Variants in TSHR observed in about 807,000 individuals in gnomAD.
TSHR encodes the protein thyrotropin receptor.
TSHR carries 51 observed loss-of-function variants against 64.1 expected under a neutral mutation model. The observed-to-expected ratio is 0.80, with a 90% CI of 0.64 to 1.01. The LOEUF (loss-of-function observed/expected upper bound fraction) is 1.01, where lower values mean the gene tolerates loss of function less well. Among genes scored for constraint, TSHR ranks in the 50% least tolerant of loss-of-function variants. The pLI is 0.00. For synonymous variants in TSHR, 361 were observed against 361.9 expected (o/e 1.00, Z 0.03); for missense variants, 877 against 942.8 (o/e 0.93, Z 0.91).
Position 81,008,633 on chromosome 14 carries a change from A to C in TSHR, c.170+52783A>C, listed in dbSNP as rs554697174. ...TAAGGCAAAATAAATGAATTTCAAA[A>C]GGAAATTAAGGTCTTTAAGCTTTAT... is the stretch of plus-strand genomic sequence containing the variant. On this transcript the variant is annotated intron_variant, in intron 1 of 9. Coordinates refer to ENST00000298171, the MANE Select transcript of TSHR (RefSeq NM_000369.5). Among the ~76,000 whole-genome samples, 3 of 152,354 alleles carry C rather than the reference A, an allele frequency of 2.0e-5. No homozygotes were observed. The East Asian group carries it at 5.8e-4, about 29-fold the overall frequency.
At chr14:81,097,599 G>T (rs908166066) in intron 7 of TSHR, among the ~76,000 whole-genome samples, 4 of 152,162 alleles carry the variant, frequency 2.6e-5, no homozygotes, top group African/African-American at 7.2e-5. Context: ...CAAGGGTGAG[G>T]TCAATAAGCT....
chr14:81,144,361 C>T lies in TSHR; in HGVS notation c.*8C>T. On this transcript the variant is annotated 3_prime_UTR_variant, in exon 10 of 10. Transcript: ENST00000298171. The stretch of plus-strand genomic sequence containing the variant: ...ATGCAAACGGTTTTGTAAGTTAACA[C>T]TACACTACTCACAATGGTAGGGGAA... The T allele has an allele frequency of 6.2e-7, 1 of 1,613,402 alleles. No homozygotes were observed. The highest frequency in any genetic ancestry group is 1.1e-5 in the South Asian group (1 of 91,076).
intron 1 of TSHR, among the ~76,000 whole-genome samples, chr14:80,986,401 T>C (rs1888448657): frequency 6.6e-6 from 1 of 152,208 alleles, no homozygotes. Flanking sequence ...TTTCTCTAAC[T>C]TTTCTCAAAT....
At chr14:81,074,195 A>G (rs932365865) in intron 3 of TSHR, among the ~76,000 whole-genome samples, 5 of 152,178 alleles carry the variant, frequency 3.3e-5, no homozygotes, top group Non-Finnish European at 5.9e-5. Context: ...TAATTTGCTT[A>G]TATACTTGAG....
At position 81,101,352 on chromosome 14, in the gene TSHR, A is replaced by C. The variant is rs77010758; in HGVS notation, c.614+4645A>C. Among the ~76,000 whole-genome samples, 25 of 152,318 alleles carry C rather than the reference A, an allele frequency of 1.6e-4. 1 individual carries two copies. The East Asian group carries it at 4.8e-3, about 29-fold the overall frequency. On this transcript the variant is annotated intron_variant, in intron 7 of 9. Coordinates refer to ENST00000298171, the MANE Select transcript of TSHR (RefSeq NM_000369.5). The stretch of plus-strand genomic sequence containing the variant: ...AAAGTACGCAAAGTCCTCACTTAGC[A>C]TCCCAGATAGGGTCTTGAAAACTAC...
chr14:81,121,933 ACT>A (rs140632649), intron 8 of TSHR, among the ~76,000 whole-genome samples: 35,075 of 145,552 alleles, frequency 0.24, 4,237 homozygotes, highest in East Asian at 0.31. Context: ...ACAGAGCAAG[ACT>A]CTGTCTCAAA....
chr14:81,083,990 G>T, intron 3 of TSHR, among the ~76,000 whole-genome samples: 1 of 152,190 alleles, frequency 6.6e-6, no homozygotes, highest in East Asian at 1.9e-4. Context: ...AGCACCCTGT[G>T]ATCTAATCAC....
chr14:81,144,300 AC>A lies in TSHR; in HGVS notation c.2246del (p.Pro749GlnfsTer26), dbSNP rs2140114556. The A allele has an allele frequency of 6.2e-7, 1 of 1,614,062 alleles. No homozygotes were observed. Among genetic ancestry groups the A allele is most frequent in the Non-Finnish European group, 8.5e-7 (1 of 1,180,016 alleles). On this transcript the variant is annotated frameshift_variant, in exon 10 of 10. Transcript: ENST00000298171. LOFTEE classifies it high-confidence loss of function. Reference protein sequence around the residue: ...VYELIENSHLTPKKQGQISEE... With the variant: ...VYELIENSHLXPKKQGQISEE... ...TGAACTGATTGAAAACTCCCATCTA[AC>A]CCCAAAGAAGCAAGGCCAAATCTCA...
chr14:81,029,603 C>A (rs1884245982), intron 1 of TSHR, among the ~76,000 whole-genome samples: 1 of 152,064 alleles, frequency 6.6e-6, no homozygotes, highest in Non-Finnish European at 1.5e-5. Context: ...CAATCTAATT[C>A]TTTATGCTTA....
intron 5 of TSHR, among the ~76,000 whole-genome samples, chr14:81,091,578 G>A (rs991949370): frequency 6.6e-6 from 1 of 152,216 alleles, no homozygotes; most frequent in Non-Finnish European, 1.5e-5. Context: ...AATGGGAATG[G>A]TTGAATAGAA....
intron 1 of TSHR, chr14:81,012,292 A>G (rs903785506): frequency 7.9e-5 from 12 of 151,092 alleles, no homozygotes; most frequent in Non-Finnish European, 1.3e-4. Context: ...ATGGCTGCAT[A>G]GTATTCCATG....
At chr14:81,001,509 G>C (rs1287118485) in intron 1 of TSHR, 1 of 518,596 alleles carries the variant, frequency 1.9e-6, no homozygotes, top group Non-Finnish European at 3.8e-6. Context: ...ATTTCTCTCA[G>C]CATTTATAAA....
intron 7 of TSHR, among the ~76,000 whole-genome samples, chr14:81,102,421 A>G (rs957874497): frequency 3.3e-5 from 5 of 152,238 alleles, no homozygotes; most frequent in South Asian, 2.1e-4. Context: ...GTACTATTTC[A>G]CAATACTTTC....
intron 3 of TSHR, among the ~76,000 whole-genome samples, chr14:81,077,438 C>T (rs1312755743): frequency 6.6e-6 from 1 of 152,174 alleles, no homozygotes; most frequent in African/African-American, 2.4e-5. Context: ...GTTTAGCCAA[C>T]CTTAATTGAG....
intron 1 of TSHR, among the ~76,000 whole-genome samples, chr14:81,027,882 G>A (rs1884152194): frequency 6.6e-6 from 1 of 152,096 alleles, no homozygotes; most frequent in Non-Finnish European, 1.5e-5. Context: ...AGAGGGAAAT[G>A]AAAATGGGAG....
At chr14:80,956,807 A>C (rs566067479) in intron 1 of TSHR, among the ~76,000 whole-genome samples, 1 of 152,222 alleles carries the variant, frequency 6.6e-6, no homozygotes, top group Admixed American at 6.5e-5. Context: ...ATATTTGAGC[A>C]CAGAGATATA....
At chr14:80,961,709 G>T (rs774205605) in intron 1 of TSHR, among the ~76,000 whole-genome samples, 4 of 152,080 alleles carry the variant, frequency 2.6e-5, no homozygotes, top group Non-Finnish European at 4.4e-5. Context: ...TTAATATTTG[G>T]TTTGTTAAAG....
chr14:81,072,869 C>A (rs879339712), intron 3 of TSHR, among the ~76,000 whole-genome samples: 1 of 140,422 alleles, frequency 7.1e-6, no homozygotes, highest in Admixed American at 6.9e-5. Flanking sequence ...TAGTGGCGGG[C>A]GCCTGTAGTC....
intron 1 of TSHR, among the ~76,000 whole-genome samples, chr14:81,031,253 G>A (rs1884332251): frequency 6.6e-6 from 1 of 152,092 alleles, no homozygotes; most frequent in African/African-American, 2.4e-5. Context: ...CCTACTCTTG[G>A]CATGAAATTA....
Sources: allele counts gnomAD v4.1 joint callset (sites outside exome capture counted in the v4.1 genomes callset), GRCh38; gene constraint gnomAD v4.1.1; transcripts MANE v1.5; gene names NCBI Gene and HGNC (gene_info 2026-07-23, HGNC 2026-07-21).